Variants in RBPJ observed in about 807,000 individuals in gnomAD.
RBPJ encodes recombining binding protein suppressor of hairless.
In RBPJ, 9 loss-of-function variants were observed where a neutral mutation model predicts 67.8. The observed-to-expected ratio is 0.13, with a 90% CI of 0.08 to 0.23. The LOEUF (loss-of-function observed/expected upper bound fraction) is 0.23, where lower values mean the gene tolerates loss of function less well. RBPJ is among the 10% of genes least tolerant of loss of function. The pLI is 1.00. For synonymous variants in RBPJ, 198 were observed against 203.3 expected (o/e 0.97, Z 0.22); for missense variants, 305 against 595.6 (o/e 0.51, Z 5.08).
At chr4:26,115,983 T>C in the RBPJ span, among the ~76,000 whole-genome samples, 1 of 152,186 alleles carries the variant, frequency 6.6e-6, no homozygotes, top group Non-Finnish European at 1.5e-5. Flanking sequence ...TAACTTCCTA[T>C]TTAAAATAAA....
At chr4:26,144,072 T>C in the RBPJ span, among the ~76,000 whole-genome samples, 2 of 152,152 alleles carry the variant, frequency 1.3e-5, no homozygotes, top group Non-Finnish European at 2.9e-5. Flanking sequence ...ACAGTGTATA[T>C]AGAATAAAAA....
At chr4:26,108,947 A>G in the RBPJ span, among the ~76,000 whole-genome samples, 3 of 152,122 alleles carry the variant, frequency 2.0e-5, no homozygotes, top group East Asian at 5.8e-4. Context: ...ACTAACACTT[A>G]TAAAGAGGAT....
chr4:26,346,044 T>C (rs1249112333), intron 1 of RBPJ, among the ~76,000 whole-genome samples: 1 of 152,062 alleles, frequency 6.6e-6, no homozygotes, highest in Non-Finnish European at 1.5e-5. Context: ...CAAACACAAA[T>C]TGGGAATCTA....
intron 1 of RBPJ, among the ~76,000 whole-genome samples, chr4:26,247,301 G>A (rs1719959424): frequency 6.6e-6 from 1 of 151,790 alleles, no homozygotes; most frequent in African/African-American, 2.4e-5. Context: ...TCTATGATTT[G>A]GGTATGTGTC....
chr4:26,181,830 A>C (rs1327346787), intron 1 of RBPJ, among the ~76,000 whole-genome samples: 1 of 152,232 alleles, frequency 6.6e-6, no homozygotes, highest in Non-Finnish European at 1.5e-5. Context: ...CTTACCGGGA[A>C]TGGAGCTCAC....
At chr4:26,132,398 C>A in the RBPJ span, among the ~76,000 whole-genome samples, 1 of 152,012 alleles carries the variant, frequency 6.6e-6, no homozygotes, top group Non-Finnish European at 1.5e-5. Flanking sequence ...GGCTCAGCCA[C>A]CCCCAGGTGT....
At chr4:26,415,099 T>C (rs998172409) in intron 3 of RBPJ, among the ~76,000 whole-genome samples, 2 of 152,184 alleles carry the variant, frequency 1.3e-5, no homozygotes, top group Non-Finnish European at 2.9e-5. Context: ...GAATAGGCCT[T>C]AATTAGTAAT....
chr4:26,165,130 CT>C (rs962763896), intron 1 of RBPJ, among the ~76,000 whole-genome samples: 2 of 152,002 alleles, frequency 1.3e-5, no homozygotes, highest in Non-Finnish European at 1.5e-5. Context: ...AAAAAATTCT[CT>C]TTTAAAATAA....
At chr4:26,181,060 G>A (rs1213478646) in intron 1 of RBPJ, among the ~76,000 whole-genome samples, 1 of 152,080 alleles carries the variant, frequency 6.6e-6, no homozygotes, top group Non-Finnish European at 1.5e-5. Flanking sequence ...TTGGTCTTCT[G>A]CCATGACTGT....
chr4:26,188,557 A>T (rs1176761610), intron 1 of RBPJ, among the ~76,000 whole-genome samples: 1 of 152,234 alleles, frequency 6.6e-6, no homozygotes, highest in Non-Finnish European at 1.5e-5. Flanking sequence ...TTATTTCCAT[A>T]CATCTTTTGT....
chr4:26,347,088 T>G (rs953371620), intron 1 of RBPJ, among the ~76,000 whole-genome samples: 2 of 152,114 alleles, frequency 1.3e-5, no homozygotes, highest in Non-Finnish European at 2.9e-5. Flanking sequence ...CACCATTTGT[T>G]GAAATGAGAT....
intron 1 of RBPJ, among the ~76,000 whole-genome samples, chr4:26,366,369 A>G (rs1050187312): frequency 6.6e-6 from 1 of 151,710 alleles, no homozygotes; most frequent in African/African-American, 2.4e-5. Context: ...TTGTTGCTAT[A>G]TTGTTTTGTG....
chr4:26,182,668 A>AT (rs562056445), intron 1 of RBPJ, among the ~76,000 whole-genome samples: 2,579 of 147,152 alleles, frequency 0.018, 37 homozygotes, highest in Non-Finnish European at 0.026. Context: ...TAATTTTTTA[A>AT]TTTTTTTTTT....
intron 2 of RBPJ, among the ~76,000 whole-genome samples, chr4:26,388,782 A>T (rs1022117089): frequency 6.6e-6 from 1 of 152,240 alleles, no homozygotes; most frequent in Admixed American, 6.5e-5. Flanking sequence ...GTCTGAAAAA[A>T]GTGGTGAGCA....
At chr4:26,150,266 C>T in the RBPJ span, among the ~76,000 whole-genome samples, 1 of 152,140 alleles carries the variant, frequency 6.6e-6, no homozygotes, top group Admixed American at 6.5e-5. Flanking sequence ...CTGAGAAAGC[C>T]TACCTAATCA....
chr4:26,154,755 A>G, the RBPJ span, among the ~76,000 whole-genome samples: 1 of 152,248 alleles, frequency 6.6e-6, no homozygotes, highest in Non-Finnish European at 1.5e-5. Context: ...AAGGAAGCTT[A>G]TAATCATGGA....
intron 1 of RBPJ, among the ~76,000 whole-genome samples, chr4:26,353,626 T>G (rs1727034123): frequency 7.9e-6 from 1 of 126,014 alleles, no homozygotes; most frequent in Non-Finnish European, 1.7e-5. Flanking sequence ...TTTTTTTTTT[T>G]GACAGAGTCT....
At position 26,230,817 on chromosome 4, in the gene RBPJ, G is replaced by C. The variant is rs183021594; in HGVS notation, c.-167+67203G>C. The stretch of plus-strand genomic sequence containing the variant: ...AAATAGCCCACAAAATATATTTATA[G>C]CAAAATATAAATGACAAGCATAGCT... On this transcript the variant is annotated intron_variant, in intron 1 of 4. Transcript: ENST00000512351. 3.3e-5 allele frequency among the ~76,000 whole-genome samples: 5 copies of C among 152,004 alleles called. No individual in the cohort carries two copies. In the East Asian group the frequency reaches 9.6e-4, roughly 29 times the overall value.
intron 1 of RBPJ, among the ~76,000 whole-genome samples, chr4:26,240,011 C>T (rs1167726598): frequency 1.3e-5 from 2 of 152,156 alleles, no homozygotes; most frequent in African/African-American, 4.8e-5. Context: ...ATACTTAGGA[C>T]TCCCAGCACC....
Sources: gnomAD v4.1 joint callset for allele counts (sites outside exome capture counted in the v4.1 genomes callset) on GRCh38, gnomAD v4.1.1 for gene constraint, MANE v1.5 for transcripts, NCBI Gene and HGNC (gene_info 2026-07-23, HGNC 2026-07-21) for gene names.